LCA5L: variants seen among roughly 807,000 people sequenced by gnomAD.
LCA5L encodes the protein lebercilin-like protein.
LCA5L carries 35 observed loss-of-function variants against 45.4 expected under a neutral mutation model. The observed-to-expected ratio is 0.77, with a 90% CI of 0.59 to 1.02. The LOEUF is 1.02. Ranked by LOEUF, LCA5L falls within the 50% of genes least tolerant of loss-of-function variation. LCA5L has a pLI of 0.00. For missense variants in LCA5L, 668 were observed against 761.6 expected, an observed-to-expected ratio of 0.88 and a Z score of 1.45; for synonymous variants, 233 against 264.7, an observed-to-expected ratio of 0.88 and a Z score of 1.16.
intron 4 of LCA5L, among the ~76,000 whole-genome samples, chr21:39,428,874 A>G (rs1487237179): frequency 6.6e-6 from 1 of 151,856 alleles, no homozygotes; most frequent in Non-Finnish European, 1.5e-5. Context: ...TTGGTCTCAC[A>G]AAGTGGTGGG....
chr21:39,431,145 C>T (rs942271601), intron 3 of LCA5L, among the ~76,000 whole-genome samples: 1 of 152,184 alleles, frequency 6.6e-6, no homozygotes, highest in African/African-American at 2.4e-5. Context: ...GCTTTCTAGA[C>T]TTAGCTGTGA....
At position 39,406,274 on chromosome 21, in the gene LCA5L, C is replaced by A. The variant is rs973155514; in HGVS notation, c.1621G>T (p.Gly541Trp). ...ATGTTGCCGGCATTGGCTGGCCCCC[C>A]TGAAGCAGGAAGCCCATGATGCAGG... ...ENLHHGLPAS[G>W]GPANAGNMRY... Residue 541 changes from glycine to tryptophan, a missense_variant, in exon 11 of 11, where the codon GGG becomes TGG. By Grantham distance (184) the Gly-to-Trp change is radical. Coordinates refer to ENST00000288350, the MANE Select transcript of LCA5L (RefSeq NM_152505.4). 6.2e-7 allele frequency: 1 copy of A among 1,614,228 alleles called. No individual in the cohort carries two copies. Among genetic ancestry groups the A allele is most frequent in the African/African-American group, 1.3e-5 (1 of 75,046 alleles).
chr21:39,411,886 T>C, intron 7 of LCA5L, 84 bp from the exon 8 acceptor site: 1 of 719,586 alleles, frequency 1.4e-6, no homozygotes, highest in Non-Finnish European at 2.4e-6. Flanking sequence ...TTAAATGAGC[T>C]CAGTATCCTA....
intron 2 of LCA5L, among the ~76,000 whole-genome samples, chr21:39,441,970 C>T (rs1167926157): frequency 6.6e-6 from 1 of 152,130 alleles, no homozygotes; most frequent in African/African-American, 2.4e-5. Context: ...TGTGGAGATA[C>T]AATGATGAAC....
intron 2 of LCA5L, chr21:39,438,655 G>C (rs890286746): frequency 1.3e-5 from 2 of 152,040 alleles, no homozygotes; most frequent in Admixed American, 1.3e-4. Flanking sequence ...AGAAAACCAA[G>C]AGTTATATAA....
At chr21:39,425,545 G>A (rs1235198857) in intron 5 of LCA5L, among the ~76,000 whole-genome samples, 1 of 152,198 alleles carries the variant, frequency 6.6e-6, no homozygotes, top group Admixed American at 6.5e-5. Flanking sequence ...AGCAGAGCAG[G>A]CCAGCCTCTA....
intron 6 of LCA5L, 67 bp from the exon 7 acceptor site, chr21:39,420,910 G>A (rs2042189517): frequency 1.7e-6 from 2 of 1,205,806 alleles, no homozygotes; most frequent in South Asian, 1.3e-5. Flanking sequence ...CAATTATCAT[G>A]GAACTAACTA....
At chr21:39,414,013 C>G (rs564398720) in intron 7 of LCA5L, 2 of 152,306 alleles carry the variant, frequency 1.3e-5, no homozygotes, top group Non-Finnish European at 2.9e-5. Flanking sequence ...AGGTTGGGCA[C>G]CACGACAGAG....
At chr21:39,417,617 G>T (rs961032843) in intron 7 of LCA5L, among the ~76,000 whole-genome samples, 1 of 152,140 alleles carries the variant, frequency 6.6e-6, no homozygotes, top group Non-Finnish European at 1.5e-5. Context: ...AAGGGACAGA[G>T]GTTTAATGGA....
chr21:39,425,572 G>T (rs989042039), intron 5 of LCA5L, among the ~76,000 whole-genome samples: 1 of 152,168 alleles, frequency 6.6e-6, no homozygotes, highest in African/African-American at 2.4e-5. Context: ...CTACTAGAAG[G>T]CCTGCGAAGA....
chr21:39,407,097 T>C (rs962920894), intron 10 of LCA5L, among the ~76,000 whole-genome samples: 3 of 152,062 alleles, frequency 2.0e-5, no homozygotes, highest in Non-Finnish European at 4.4e-5. Context: ...TGTGGTGGTG[T>C]CTGCCTGTAG....
intron 10 of LCA5L, among the ~76,000 whole-genome samples, chr21:39,407,279 C>T (rs575582446): frequency 4.9e-4 from 74 of 152,196 alleles, no homozygotes; most frequent in African/African-American, 1.7e-3. Context: ...GAACAGGACA[C>T]AATGAGAACA....
intron 7 of LCA5L, among the ~76,000 whole-genome samples, chr21:39,420,189 T>A (rs1487707133): frequency 6.6e-6 from 1 of 152,114 alleles, no homozygotes; most frequent in Non-Finnish European, 1.5e-5. Flanking sequence ...TCTGTTCATA[T>A]GATTGTAGAG....
intron 3 of LCA5L, among the ~76,000 whole-genome samples, chr21:39,433,331 T>C (rs1014957231): frequency 2.6e-5 from 4 of 151,122 alleles, no homozygotes; most frequent in African/African-American, 7.3e-5. Flanking sequence ...GGCAGGAGAA[T>C]TGCTTGAACC....
chr21:39,412,551 G>A (rs1238428439), intron 7 of LCA5L, among the ~76,000 whole-genome samples: 1 of 152,036 alleles, frequency 6.6e-6, no homozygotes, highest in Non-Finnish European at 1.5e-5. Context: ...CATATATGAA[G>A]TAAGGAGGAA....
At chr21:39,420,151 A>G (rs1218448631) in intron 7 of LCA5L, among the ~76,000 whole-genome samples, 1 of 152,128 alleles carries the variant, frequency 6.6e-6, no homozygotes, top group Non-Finnish European at 1.5e-5. Flanking sequence ...CAAGCTGTTA[A>G]CTCATTCTAA....
Position 39,406,348 on chromosome 21 carries a change from C to A in LCA5L, c.1547G>T (p.Gly516Val). Reference protein sequence around the residue: ...LGKGTAPYTKGPLRQRRHYSF... With the variant: ...LGKGTAPYTKVPLRQRRHYSF... ...GTAATGTCTTCTTTGTCTGAGGGGG[C>A]CTTTCGTGTAGGGAGCAGTGCCTTT... The change falls in exon 11 of 11, where the codon GGC becomes GTC. Residue 516 changes from glycine (G) to valine (V), a missense_variant. Transcript: ENST00000288350. 1 of 1,614,118 alleles carries A rather than the reference C, an allele frequency of 6.2e-7. No individual in the cohort carries two copies. The highest frequency in any genetic ancestry group is 8.5e-7 in the Non-Finnish European group (1 of 1,180,012).
intron 9 of LCA5L, 44 bp from the exon 10 acceptor site, chr21:39,410,140 G>T: frequency 7.2e-7 from 1 of 1,397,056 alleles, no homozygotes; most frequent in Non-Finnish European, 1.0e-6. Context: ...GGGGGGTCTA[G>T]ATAACTTAAA....
At chr21:39,406,704 T>G in intron 10 of LCA5L, 92 bp from the exon 11 acceptor site, 2 of 927,536 alleles carry the variant, frequency 2.2e-6, no homozygotes, top group Non-Finnish European at 3.3e-6. Flanking sequence ...GTGCACCGCC[T>G]CACAAGCACA....
Sources: gnomAD v4.1 joint callset for allele counts (sites outside exome capture counted in the v4.1 genomes callset) on GRCh38, gnomAD v4.1.1 for gene constraint, MANE v1.5 for transcripts, NCBI Gene and HGNC (gene_info 2026-07-23, HGNC 2026-07-21) for gene names.